Variants in PLEKHA7 observed in about 807,000 individuals in gnomAD.
The protein encoded by PLEKHA7 is pleckstrin homology domain containing A7.
PLEKHA7 carries 104 observed loss-of-function variants against 170.0 expected under a neutral mutation model. The observed-to-expected ratio is 0.61, with a 90% confidence interval of 0.52 to 0.72. PLEKHA7 has a LOEUF of 0.72. Among genes scored for constraint, PLEKHA7 ranks in the 30% least tolerant of loss-of-function variants. The probability of loss-of-function intolerance (pLI) is 0.00; values close to 1 mark genes in which losing one functional copy is unlikely to be tolerated. For synonymous variants in PLEKHA7, 648 were observed against 660.8 expected (o/e 0.98, Z 0.30); for missense variants, 1,615 against 1,671.7 (o/e 0.97, Z 0.59).
intron 3 of PLEKHA7, among the ~76,000 whole-genome samples, chr11:16,924,671 T>TG (rs970221219): frequency 1.8e-4 from 28 of 152,086 alleles, no homozygotes; most frequent in Admixed American, 9.8e-4. Flanking sequence ...GCTGGTGCCT[T>TG]GGGGGAATGC....
At chr11:16,986,928 A>T (rs924625397) in intron 3 of PLEKHA7, among the ~76,000 whole-genome samples, 19 of 152,234 alleles carry the variant, frequency 1.2e-4, no homozygotes, top group African/African-American at 4.3e-4. Context: ...AGGTGGTCCA[A>T]GCAGGTACTG....
chr11:16,806,399 T>G (rs1204292625), intron 13 of PLEKHA7, among the ~76,000 whole-genome samples: 1 of 152,024 alleles, frequency 6.6e-6, no homozygotes, highest in Non-Finnish European at 1.5e-5. Flanking sequence ...CAACTCTGGG[T>G]CCCCCCAGCA....
intron 3 of PLEKHA7, among the ~76,000 whole-genome samples, chr11:16,922,027 G>A (rs1005078087): frequency 7.2e-5 from 11 of 152,174 alleles, no homozygotes; most frequent in African/African-American, 7.2e-5. Context: ...GTATGCCTGC[G>A]TCAGAGATTC....
At chr11:16,822,214 C>T (rs1850276985) in intron 10 of PLEKHA7, among the ~76,000 whole-genome samples, 1 of 152,050 alleles carries the variant, frequency 6.6e-6, no homozygotes, top group African/African-American at 2.4e-5. Context: ...TATCAGTCAC[C>T]CAGCTTTTGA....
chr11:16,819,916 T>G (rs1354197052), intron 10 of PLEKHA7, among the ~76,000 whole-genome samples: 1 of 152,176 alleles, frequency 6.6e-6, no homozygotes, highest in African/African-American at 2.4e-5. Flanking sequence ...TAATGTATAT[T>G]TCAAAATTAC....
chr11:16,874,290 T>G (rs116641854), intron 3 of PLEKHA7, among the ~76,000 whole-genome samples: 3 of 152,122 alleles, frequency 2.0e-5, no homozygotes, highest in Non-Finnish European at 4.4e-5. Flanking sequence ...GTGAATCACT[T>G]AAGCCCAGGA....
intron 3 of PLEKHA7, among the ~76,000 whole-genome samples, chr11:16,928,373 T>C (rs1444568035): frequency 1.3e-5 from 2 of 151,758 alleles, no homozygotes; most frequent in Non-Finnish European, 2.9e-5. Context: ...AGAATTCAAT[T>C]TTCTACTACC....
intron 3 of PLEKHA7, among the ~76,000 whole-genome samples, chr11:16,874,082 A>G (rs1855089617): frequency 6.6e-6 from 1 of 152,226 alleles, no homozygotes; most frequent in South Asian, 2.1e-4. Context: ...TAACGGAAAT[A>G]ACCATAAAGC....
At chr11:16,929,985 AGAGT>A (rs1859815645) in intron 3 of PLEKHA7, among the ~76,000 whole-genome samples, 1 of 152,110 alleles carries the variant, frequency 6.6e-6, no homozygotes, top group Non-Finnish European at 1.5e-5. Context: ...GCCTGGCAAC[AGAGT>A]GAGACTCCGT....
At chr11:16,980,819 G>A (rs573041458) in intron 3 of PLEKHA7, among the ~76,000 whole-genome samples, 2 of 152,170 alleles carry the variant, frequency 1.3e-5, no homozygotes, top group African/African-American at 2.4e-5. Flanking sequence ...CCCGGGAGGC[G>A]GAGGTTGCAG....
intron 10 of PLEKHA7, among the ~76,000 whole-genome samples, chr11:16,822,700 T>C (rs1029050624): frequency 6.6e-6 from 1 of 152,114 alleles, no homozygotes; most frequent in Non-Finnish European, 1.5e-5. Flanking sequence ...CTAGGGGTCC[T>C]CAGTGTTCTG....
intron 3 of PLEKHA7, among the ~76,000 whole-genome samples, chr11:16,932,470 A>G (rs748432602): frequency 2.0e-5 from 3 of 152,116 alleles, no homozygotes; most frequent in Admixed American, 6.5e-5. Context: ...TTTTTGGTAG[A>G]GACAGGACCT....
At chr11:16,878,521 C>T (rs1855477676) in intron 3 of PLEKHA7, among the ~76,000 whole-genome samples, 1 of 152,164 alleles carries the variant, frequency 6.6e-6, no homozygotes, top group Non-Finnish European at 1.5e-5. Context: ...GCCACACTGG[C>T]CTTTTTGTTC....
chr11:16,876,376 G>A (rs148687924), intron 3 of PLEKHA7, among the ~76,000 whole-genome samples: 1 of 152,336 alleles, frequency 6.6e-6, no homozygotes, highest in African/African-American at 2.4e-5. Context: ...TACTGAGAAA[G>A]TAATTTGGCA....
intron 3 of PLEKHA7, among the ~76,000 whole-genome samples, chr11:16,910,954 AC>A (rs1858204883): frequency 6.6e-6 from 1 of 152,218 alleles, no homozygotes; most frequent in Non-Finnish European, 1.5e-5. Flanking sequence ...CCACTCTGTC[AC>A]ATTTCCCGAC....
At chr11:16,947,915 C>CA (rs756124686) in intron 3 of PLEKHA7, among the ~76,000 whole-genome samples, 3,394 of 66,514 alleles carry the variant, frequency 0.051, 94 homozygotes, top group African/African-American at 0.11. Flanking sequence ...GACTCCGTCT[C>CA]AAAAAAAAAA....
chr11:16,941,788 A>G (rs1159456125), intron 3 of PLEKHA7, among the ~76,000 whole-genome samples: 1 of 152,218 alleles, frequency 6.6e-6, no homozygotes, highest in East Asian at 1.9e-4. Context: ...TAAAACCTTA[A>G]AAAAACAGAC....
intron 5 of PLEKHA7, among the ~76,000 whole-genome samples, chr11:16,855,450 C>T (rs1301587069): frequency 2.0e-5 from 3 of 152,172 alleles, no homozygotes; most frequent in Non-Finnish European, 2.9e-5. Flanking sequence ...ACTTCTGGGT[C>T]CTTCCCAAGG....
At chr11:16,876,156 A>T (rs746427804) in intron 3 of PLEKHA7, among the ~76,000 whole-genome samples, 2 of 152,116 alleles carry the variant, frequency 1.3e-5, no homozygotes, top group African/African-American at 4.8e-5. Context: ...TGATTCTAAC[A>T]CCCATGAAGA....
Sources: gnomAD v4.1 joint callset for allele counts (sites outside exome capture counted in the v4.1 genomes callset) on GRCh38, gnomAD v4.1.1 for gene constraint, MANE v1.5 for transcripts, NCBI Gene and HGNC (gene_info 2026-07-23, HGNC 2026-07-21) for gene names.